The following DMPK variants were observed in gnomAD, a reference collection of about 807,000 sequenced individuals.
DMPK encodes myotonin-protein kinase.
In DMPK, 32 loss-of-function variants were observed where a neutral mutation model predicts 70.3. The ratio of observed to expected loss-of-function variants is 0.46; its 90% CI spans 0.34 to 0.61. The LOEUF is 0.61. DMPK is among the 20% of genes least tolerant of loss of function. The pLI, the probability that DMPK is intolerant of heterozygous loss-of-function variation, is 0.01. For synonymous variants in DMPK, 469 were observed against 390.9 expected (o/e 1.20, Z -2.36); for missense variants, 899 against 886.0 (o/e 1.01, Z -0.19).
chr19:45,770,932 G>A lies in DMPK; in HGVS notation c.1737+39C>T, dbSNP rs1216193781. On this transcript the variant is annotated intron_variant, in intron 14 of 14. Coordinates refer to ENST00000291270, the MANE Select transcript of DMPK (RefSeq NM_004409.5). ...GTGGCAAGGGGCGGGTGGAGCGCGGGGCGCGACGGCGGAGGGGGGCGTGGG... is the reference window on the plus strand; with the variant it reads ...GTGGCAAGGGGCGGGTGGAGCGCGGAGCGCGACGGCGGAGGGGGGCGTGGG... 6.6e-6 allele frequency: 9 copies of A among 1,368,254 alleles called. No homozygotes were observed. The African/African-American group carries it at 9.1e-5, about 14-fold the overall frequency. The allele number at this position is 1,368,254 out of a possible 1,614,324, so 84.8% of individuals were successfully genotyped here. A position where few individuals can be genotyped will look rare whatever the true frequency, so the allele number is the denominator to read the frequency against.
chr19:45,776,207 G>A (rs1456760495), intron 8 of DMPK, among the ~76,000 whole-genome samples: 1 of 75,080 alleles, frequency 1.3e-5, no homozygotes, highest in African/African-American at 4.7e-5. Flanking sequence ...GCAGTGGCAC[G>A]ATCTCGGCTC....
intron 2 of DMPK, 32 bp from the exon 3 acceptor site, chr19:45,779,554 C>T: frequency 1.2e-6 from 2 of 1,612,810 alleles, no homozygotes; most frequent in Non-Finnish European, 1.7e-6. Context: ...AGAGTGGAGA[C>T]GGCGGGAAAA....
intron 1 of DMPK, chr19:45,780,489 T>TC: frequency 8.7e-7 from 1 of 1,154,028 alleles, no homozygotes; most frequent in Non-Finnish European, 1.1e-6. Flanking sequence ...AGTGCTTTAG[T>TC]CCTACCCCTT....
In DMPK at chr19:45,770,555, C is replaced by A; in HGVS notation, c.1823G>T (p.Gly608Val). Residue 608 changes from glycine to valine, a missense_variant, in exon 15 of 15, where the codon GGG becomes GTG. Physicochemically the swap from Gly to Val is moderately radical, Grantham distance 109. This residue lies in a region of DMPK where 555 missense variants were observed against 483.8 expected (regional missense o/e 1.15). Coordinates refer to ENST00000291270, the MANE Select transcript of DMPK (RefSeq NM_004409.5). ...GAGTTGGCCGGCGTGGGCCACCAAC[C>A]CAATGCAGCCCAGGGCGGCGGCACG... is the stretch of plus-strand genomic sequence containing the variant. The part of the protein sequence containing the change: ...LSRAAALGCI[G>V]LVAHAGQLTA... The A allele has an allele frequency of 1.3e-6, 2 of 1,551,110 alleles. No homozygotes were observed.
Position 45,771,019 on chromosome 19 carries a change from C to T in DMPK, c.1689G>A (p.Leu563=). 2 of 1,479,508 alleles carry T rather than the reference C, an allele frequency of 1.4e-6. No individual in the cohort carries two copies. The highest frequency in any genetic ancestry group is 1.3e-5 in the South Asian group (1 of 74,198). 91.6% of individuals were successfully genotyped at this position (1,479,508 alleles called of 1,614,324 possible). ...GGCGGTGCATGGGGCCTGGCCCCACCAGCGGGCACTGGCCCACAGCCACGG... is the reference window on the plus strand; with the variant it reads ...GGCGGTGCATGGGGCCTGGCCCCACTAGCGGGCACTGGCCCACAGCCACGG... The part of the protein sequence containing the change: ...PPAVAVGQCP[L]VGPGPMHRRH... The change falls in exon 14 of 15, where the codon CTG becomes CTA. Residue 563 remains leucine (L), a synonymous_variant. Coordinates refer to ENST00000291270, the MANE Select transcript of DMPK (RefSeq NM_004409.5).
At chr19:45,774,019 C>G (rs969773679) in intron 9 of DMPK, among the ~76,000 whole-genome samples, 1 of 148,370 alleles carries the variant, frequency 6.7e-6, no homozygotes, top group African/African-American at 2.5e-5. Flanking sequence ...TGCAATGGCA[C>G]GATCTCAGCT....
At chr19:45,779,035 T>C (rs1290391983) in intron 4 of DMPK, 8 of 599,806 alleles carry the variant, frequency 1.3e-5, no homozygotes, top group Non-Finnish European at 2.4e-5. Context: ...GAGACATCTT[T>C]ATAAGAGTCC....
In DMPK at chr19:45,771,792, G is replaced by A. The variant is rs200807652; in HGVS notation, c.1481C>T (p.Thr494Met). ...SLSREMEAIRTDNQNFASQLR... is the reference protein window; with the variant it reads ...SLSREMEAIRMDNQNFASQLR... ...CGACCTGGCGAAGTTCTGGTTGTCC[G>A]TGCGGATGGCCTCCATCTCCCGGCT... The change falls in exon 11 of 15, where the codon ACG becomes ATG. Residue 494 changes from threonine to methionine, a missense_variant. Physicochemically the swap from Thr to Met is moderately conservative, Grantham distance 81. Coordinates refer to ENST00000291270, the MANE Select transcript of DMPK (RefSeq NM_004409.5). 3.8e-6 allele frequency: 6 copies of A among 1,569,276 alleles called. No homozygotes were observed. The highest frequency in any genetic ancestry group is 1.4e-5 in the African/African-American group (1 of 73,860).
chr19:45,770,823 C>G, intron 14 of DMPK, 148 bp downstream of exon 14: 3 of 964,412 alleles, frequency 3.1e-6, no homozygotes, highest in Non-Finnish European at 4.5e-6. Flanking sequence ...TCATTGGCTG[C>G]TTCCTAGCGG....
chr19:45,781,187 TCACA>T (rs1481932480), intron 1 of DMPK, among the ~76,000 whole-genome samples: 1 of 151,954 alleles, frequency 6.6e-6, no homozygotes, highest in East Asian at 1.9e-4. Flanking sequence ...GAAACAAGTG[TCACA>T]CACAGTTTGT....
Position 45,772,621 on chromosome 19 carries a change from C to T in DMPK, c.1344+20G>A, listed in dbSNP as rs767616508. On this transcript the variant is annotated intron_variant, in intron 10 of 14. Transcript: ENST00000291270. ...TCTCCCAATTGTCCCTGACGGACCC[C>T]CTCCCCTCCACCAACTTACTGTTTC... 9 of 1,512,756 alleles carry T rather than the reference C, an allele frequency of 5.9e-6. No homozygotes were observed. In the South Asian group the frequency reaches 1.0e-4, roughly 17 times the overall value. The allele number at this position is 1,512,756 out of a possible 1,614,324, so 93.7% of individuals were successfully genotyped here.
chr19:45,775,347 T>C (rs1969724052), intron 8 of DMPK: 1 of 257,456 alleles, frequency 3.9e-6, no homozygotes, highest in Non-Finnish European at 7.5e-6. Flanking sequence ...TTTTATATTT[T>C]TGGTAGAGAC....
At chr19:45,780,221 C>A (rs1192721880) in intron 1 of DMPK, 2 of 1,479,782 alleles carry the variant, frequency 1.4e-6, no homozygotes, top group South Asian at 2.8e-5. Flanking sequence ...CACCTTCCAC[C>A]CTGACTCCAG....
intron 8 of DMPK, among the ~76,000 whole-genome samples, chr19:45,776,450 C>A (rs1314304663): frequency 1.3e-5 from 2 of 151,192 alleles, no homozygotes; most frequent in Non-Finnish European, 2.9e-5. Context: ...GCCAGCCCAG[C>A]CTATTTTTTA....
chr19:45,769,888 T>C lies in DMPK; in HGVS notation c.*600A>G, dbSNP rs1001837963. On this transcript the variant is annotated 3_prime_UTR_variant, in exon 15 of 15. Transcript: ENST00000291270. ...AGTCGGAGGACGAGGTCAATAAATATCCAAACCGCCGAAGCGGGCGGAGCC... is the reference window on the plus strand; with the variant it reads ...AGTCGGAGGACGAGGTCAATAAATACCCAAACCGCCGAAGCGGGCGGAGCC... 19 of 272,840 alleles carry C rather than the reference T, an allele frequency of 7.0e-5. No homozygotes were observed. The highest frequency in any genetic ancestry group is 2.5e-4 in the African/African-American group (11 of 43,138). The allele number at this position is 272,840 out of a possible 1,614,324, so 16.9% of individuals were successfully genotyped here.
chr19:45,776,952 G>A (rs1969806275), intron 8 of DMPK: 2 of 206,454 alleles, frequency 9.7e-6, no homozygotes, highest in Non-Finnish European at 9.8e-6. Flanking sequence ...CTTGTTACAC[G>A]GTGAAGAGAG....
Position 45,782,275 on chromosome 19 carries a change from G to T in DMPK, c.78C>A (p.Leu26=). Residue 26 remains leucine (L), a synonymous_variant, in exon 1 of 15, where the codon CTC becomes CTA. Transcript: ENST00000291270. ...CCTGGTGGACGCCCAGGAGAAGGTCGAGCAGGGGCTCCAGCCCCAGGAAGC... is the reference window on the plus strand; with the variant it reads ...CCTGGTGGACGCCCAGGAGAAGGTCTAGCAGGGGCTCCAGCCCCAGGAAGC... ...DPGFLGLEPL[L]DLLLGVHQEL... The T allele has an allele frequency of 6.2e-7, 1 of 1,605,460 alleles. No homozygotes were observed. Among genetic ancestry groups the T allele is most frequent in the South Asian group, 1.1e-5 (1 of 89,772 alleles).
rs757728098 is a variant in DMPK, at chr19:45,777,895, G to A, written c.676-22C>T. 79 of 1,591,746 alleles carry A rather than the reference G, an allele frequency of 5.0e-5. No individual in the cohort carries two copies. The highest frequency in any genetic ancestry group is 6.7e-5 in the African/African-American group (5 of 74,698). On this transcript the variant is annotated intron_variant, in intron 6 of 14. Transcript: ENST00000291270. The surrounding 1 kb of genome is among the most constrained non-coding windows in gnomAD (Gnocchi z 6.7). Reference sequence around the variant, plus strand: ...GCACCTGGACCAAAAGGAGCAGAGCGAGGCTTGGGCCCACCCCTCTGGGCC... The same window carrying A: ...GCACCTGGACCAAAAGGAGCAGAGCAAGGCTTGGGCCCACCCCTCTGGGCC...
In DMPK at chr19:45,769,929, A is replaced by G. The variant is rs1211909913; in HGVS notation, c.*559T>C. ...GGGCGGAGCCGGCTGGGGCTCCGAG[A>G]GCAGCGCAAGTGAGGAGGGGGGCGC... On this transcript the variant is annotated 3_prime_UTR_variant, in exon 15 of 15. Coordinates refer to ENST00000291270, the MANE Select transcript of DMPK (RefSeq NM_004409.5). 3.4e-6 allele frequency: 1 copy of G among 290,848 alleles called. No homozygotes were observed. The highest frequency in any genetic ancestry group is 6.7e-6 in the Non-Finnish European group (1 of 149,932). The allele number at this position is 290,848 out of a possible 1,614,324, so 18.0% of individuals were successfully genotyped here. A position where few individuals can be genotyped will look rare whatever the true frequency, so the allele number is the denominator to read the frequency against.
Sources: gnomAD v4.1 joint callset for allele counts (sites outside exome capture counted in the v4.1 genomes callset) on GRCh38, gnomAD v4.1.1 for gene constraint, gnomAD v4.1.1 regional missense constraint, Gnocchi (gnomAD v3.1) non-coding constraint, MANE v1.5 for transcripts, NCBI Gene and HGNC (gene_info 2026-07-23, HGNC 2026-07-21) for gene names.